PLD5: variants seen among roughly 807,000 people sequenced by gnomAD.
The protein encoded by PLD5 is inactive phospholipase D5.
In PLD5, 36 loss-of-function variants were observed where a neutral mutation model predicts 61.1. The observed-to-expected ratio is 0.59, with a 90% CI of 0.45 to 0.78. PLD5 has a LOEUF of 0.78. PLD5 is among the 30% of genes least tolerant of loss of function. The probability of loss-of-function intolerance (pLI) is 0.00; values close to 1 mark genes in which losing one functional copy is unlikely to be tolerated. For synonymous variants in PLD5, 243 were observed against 242.8 expected, an observed-to-expected ratio of 1.00 and a Z score of -0.01; for missense variants, 515 against 644.4, an observed-to-expected ratio of 0.80 and a Z score of 2.17.
At chr1:242,393,161 G>A (rs1349443755) in intron 1 of PLD5, among the ~76,000 whole-genome samples, 1 of 149,700 alleles carries the variant, frequency 6.7e-6, no homozygotes, top group East Asian at 2.0e-4. Context: ...CTGAGATCAC[G>A]CCACTGAACT....
chr1:242,512,872 T>C (rs991543643), intron 1 of PLD5, among the ~76,000 whole-genome samples: 1 of 151,386 alleles, frequency 6.6e-6, no homozygotes, highest in Non-Finnish European at 1.5e-5. Flanking sequence ...CTTTTTTATT[T>C]TTTCTTTTTT....
intron 5 of PLD5, among the ~76,000 whole-genome samples, chr1:242,199,121 G>A (rs1042988463): frequency 2.0e-5 from 3 of 152,088 alleles, no homozygotes; most frequent in African/African-American, 7.2e-5. Context: ...AATTTTCCCT[G>A]TTTCTTTTTG....
At chr1:242,461,097 C>A (rs773791559) in intron 1 of PLD5, among the ~76,000 whole-genome samples, 1 of 152,066 alleles carries the variant, frequency 6.6e-6, no homozygotes, top group African/African-American at 2.4e-5. Context: ...GCCAAGATCG[C>A]GCCAGTGCAC....
At chr1:242,233,154 A>AAATTG (rs1671416432) in intron 4 of PLD5, among the ~76,000 whole-genome samples, 1 of 149,848 alleles carries the variant, frequency 6.7e-6, no homozygotes, top group Non-Finnish European at 1.5e-5. Flanking sequence ...ATTCTGACTC[A>AAATTG]AATGAATGAA....
intron 1 of PLD5, among the ~76,000 whole-genome samples, chr1:242,494,179 T>C (rs1210035960): frequency 1.3e-5 from 2 of 148,954 alleles, no homozygotes; most frequent in Admixed American, 1.3e-4. Flanking sequence ...TCCTGACTTT[T>C]CTTCCTTCCT....
chr1:242,456,868 G>A (rs1444245910), intron 1 of PLD5, among the ~76,000 whole-genome samples: 2 of 152,074 alleles, frequency 1.3e-5, no homozygotes, highest in Non-Finnish European at 2.9e-5. Context: ...CAAAATCCCC[G>A]CCCGACACTG....
At chr1:242,386,839 A>G (rs140359819) in intron 1 of PLD5, among the ~76,000 whole-genome samples, 3 of 152,344 alleles carry the variant, frequency 2.0e-5, no homozygotes, top group Admixed American at 1.3e-4. Flanking sequence ...GGTATTATAC[A>G]ATGTTTTGTA....
chr1:242,422,125 T>G lies in PLD5; in HGVS notation c.190-73883A>C, dbSNP rs182618596. Reference sequence around the variant, plus strand: ...GTCCCTTCTTGCTAGAGACACTTAGTTTTCATTCAAGCACTGGTTTCATCC... The same window carrying G: ...GTCCCTTCTTGCTAGAGACACTTAGGTTTCATTCAAGCACTGGTTTCATCC... On this transcript the variant is annotated intron_variant, in intron 1 of 9. Coordinates refer to ENST00000536534, the MANE Select transcript of PLD5 (RefSeq NM_001372062.1). Among the ~76,000 whole-genome samples, 604 of 152,306 alleles carry G rather than the reference T, an allele frequency of 4.0e-3. 5 individuals carry two copies. Among genetic ancestry groups the G allele is most frequent in the African/African-American group, 0.014 (573 of 41,576 alleles).
chr1:242,449,247 A>C lies in PLD5; in HGVS notation c.189+74841T>G, dbSNP rs961653125. The C allele has an allele frequency of 1.9e-5, 26 of 1,398,912 alleles. No individual in the cohort carries two copies. The African/African-American group carries it at 3.6e-4, about 19-fold the overall frequency. 86.7% of individuals were successfully genotyped at this position (1,398,912 alleles called of 1,614,324 possible). A position where few individuals can be genotyped will look rare whatever the true frequency, so the allele number is the denominator to read the frequency against. On this transcript the variant is annotated intron_variant, in intron 1 of 9. Transcript: ENST00000536534. ...AAAAAGGACAGTGCCTCAGAGCTCAAGTGACTGTTCAGTCTCATGCTACCA... is the reference window on the plus strand; with the variant it reads ...AAAAAGGACAGTGCCTCAGAGCTCACGTGACTGTTCAGTCTCATGCTACCA...
chr1:242,109,018 A>G (rs1661277809), intron 7 of PLD5, among the ~76,000 whole-genome samples: 1 of 152,218 alleles, frequency 6.6e-6, no homozygotes, highest in Non-Finnish European at 1.5e-5. Flanking sequence ...TCCTGGATCC[A>G]CGCTACAGTT....
chr1:242,138,124 C>T (rs981435100), intron 5 of PLD5, among the ~76,000 whole-genome samples: 46 of 152,074 alleles, frequency 3.0e-4, no homozygotes, highest in African/African-American at 9.9e-4. Context: ...AAAAAGGTGA[C>T]GACTGCTTAG....
Position 242,085,124 on chromosome 1 carries a change from A to G in PLD5, c.*4730T>C, listed in dbSNP as rs1659393089. 1.3e-5 allele frequency: 2 copies of G among 152,342 alleles called. No individual in the cohort carries two copies. Among genetic ancestry groups the G allele is most frequent in the South Asian group, 4.1e-4 (2 of 4,828 alleles). The allele number at this position is 152,342 out of a possible 1,614,324, so 9.4% of individuals were successfully genotyped here. A position where few individuals can be genotyped will look rare whatever the true frequency, so the allele number is the denominator to read the frequency against. ...TATAGATATGTCCAGGTACAAGTTT[A>G]TCCTATTTACATAAAGGAACATTAA... On this transcript the variant is annotated 3_prime_UTR_variant, in exon 10 of 10. Transcript: ENST00000536534.
At chr1:242,241,281 A>G (rs1000311139) in intron 4 of PLD5, among the ~76,000 whole-genome samples, 1 of 152,128 alleles carries the variant, frequency 6.6e-6, no homozygotes, top group Non-Finnish European at 1.5e-5. Flanking sequence ...GAAAACCCTG[A>G]GGTTACATGA....
chr1:242,315,630 C>T (rs539749652), intron 2 of PLD5, among the ~76,000 whole-genome samples: 191 of 152,234 alleles, frequency 1.3e-3, no homozygotes, highest in African/African-American at 4.4e-3. Context: ...GTTGCCTTGA[C>T]AACTTACTGG....
chr1:242,457,772 C>T (rs1326200070), intron 1 of PLD5, among the ~76,000 whole-genome samples: 1 of 152,208 alleles, frequency 6.6e-6, no homozygotes, highest in African/African-American at 2.4e-5. Context: ...CCTCTGCCTC[C>T]TCCTGGTTAC....
intron 5 of PLD5, among the ~76,000 whole-genome samples, chr1:242,173,681 T>A (rs570833513): frequency 3.3e-5 from 5 of 152,200 alleles, no homozygotes; most frequent in Non-Finnish European, 7.3e-5. Context: ...ATCAGCATGG[T>A]ACTGGTACCA....
intron 5 of PLD5, among the ~76,000 whole-genome samples, chr1:242,200,689 T>G (rs571647885): frequency 2.0e-4 from 30 of 152,214 alleles, no homozygotes; most frequent in African/African-American, 7.0e-4. Flanking sequence ...AACTGTGGTG[T>G]TAACTGATGG....
chr1:242,153,760 G>A (rs1348093539), intron 5 of PLD5, among the ~76,000 whole-genome samples: 8 of 152,158 alleles, frequency 5.3e-5, no homozygotes, highest in African/African-American at 1.9e-4. Flanking sequence ...CTGTAGCCTT[G>A]TAGTATAGTT....
chr1:242,215,090 GTGTTAACCAGAATGGTCTTGA>G lies in PLD5; in HGVS notation c.735+4877_735+4897del, dbSNP rs1670081990. Among the ~76,000 whole-genome samples, 6 of 143,642 alleles carry G rather than the reference GTGTTAACCAGAATGGTCTTGA, an allele frequency of 4.2e-5. No individual in the cohort carries two copies. In the Admixed American group the frequency reaches 4.3e-4, roughly 10 times the overall value. The allele number at this position is 143,642 out of a possible 152,430, so 94.2% of individuals were successfully genotyped here. On this transcript the variant is annotated intron_variant, in intron 5 of 9. Coordinates refer to ENST00000536534, the MANE Select transcript of PLD5 (RefSeq NM_001372062.1). ...TTTTTAGTAGAGACGGGGTTTCACC[GTGTTAACCAGAATGGTCTTGA>G]TCTCCTGACCTTGTGATCTGCCCAC...
Sources: gnomAD v4.1 joint callset for allele counts (sites outside exome capture counted in the v4.1 genomes callset) on GRCh38, gnomAD v4.1.1 for gene constraint, MANE v1.5 for transcripts, NCBI Gene and HGNC (gene_info 2026-07-23, HGNC 2026-07-21) for gene names.